Variants in BHLHE41 observed in about 807,000 individuals in gnomAD.
The protein encoded by BHLHE41 is class E basic helix-loop-helix protein 41.
A neutral mutation model predicts 24.0 loss-of-function variants in BHLHE41; 14 were observed. The observed-to-expected ratio is 0.58, with a 90% CI of 0.39 to 0.91. BHLHE41 has a LOEUF of 0.91. Among genes scored for constraint, BHLHE41 ranks in the 40% least tolerant of loss-of-function variants. The pLI is 0.00. For missense variants in BHLHE41, 674 were observed against 655.4 expected (o/e 1.03, Z -0.31); for synonymous variants, 394 against 315.5 (o/e 1.25, Z -2.64).
In BHLHE41 at chr12:26,122,499, TG is replaced by T; in HGVS notation, c.1015del (p.Gln339SerfsTer164). On this transcript the variant is annotated frameshift_variant, in exon 5 of 5. Transcript: ENST00000242728. LOFTEE classifies it high-confidence loss of function. ...GAAGGGGGCCGCGGCGGCCGCGGGC[TG>T]CGGGAAGGGCGCGCCTCCGCCTCCG... ...FGGGGGAPFPQPAAAAAPFCL... is the reference protein window; with the variant it reads ...FGGGGGAPFPXPAAAAAPFCL... 1 of 1,312,652 alleles carries T rather than the reference TG, an allele frequency of 7.6e-7. No individual in the cohort carries two copies. Among genetic ancestry groups the T allele is most frequent in the Non-Finnish European group, 9.8e-7 (1 of 1,020,894 alleles). 81.3% of individuals were successfully genotyped at this position (1,312,652 alleles called of 1,614,324 possible).
chr12:26,122,776 C>T lies in BHLHE41; in HGVS notation c.739G>A (p.Glu247Lys), dbSNP rs768361046. The change falls in exon 5 of 5, where the codon GAG (glutamate) becomes AAG (lysine). Residue 247 changes from glutamate to lysine, a missense_variant. Physicochemically the swap from Glu to Lys is moderately conservative, Grantham distance 56 (BLOSUM62 1). Transcript: ENST00000242728. Reference sequence around the variant, plus strand: ...CCTTTCTCGCGGTCCGGCCGGGCCTCGGCTTCGCCGCCGTAGCCGCTGTCG... The same window carrying T: ...CCTTTCTCGCGGTCCGGCCGGGCCTTGGCTTCGCCGCCGTAGCCGCTGTCG... The part of the protein sequence containing the change: ...DTDSGYGGEA[E>K]ARPDREKGKG... The T allele has an allele frequency of 3.2e-6, 5 of 1,586,668 alleles. No individual in the cohort carries two copies. Among genetic ancestry groups the T allele is most frequent in the Non-Finnish European group, 3.4e-6 (4 of 1,173,118 alleles).
At position 26,121,127 on chromosome 12, in the gene BHLHE41, A is replaced by T. The variant is rs1342703195; in HGVS notation, c.*939T>A. 1 of 152,292 alleles carries T rather than the reference A, an allele frequency of 6.6e-6. No individual in the cohort carries two copies. The highest frequency in any genetic ancestry group is 2.4e-5 in the African/African-American group (1 of 41,458). The allele number at this position is 152,292 out of a possible 1,614,324, so 9.4% of individuals were successfully genotyped here. A position where few individuals can be genotyped will look rare whatever the true frequency, so the allele number is the denominator to read the frequency against. On this transcript the variant is annotated 3_prime_UTR_variant, in exon 5 of 5. Coordinates refer to ENST00000242728, the MANE Select transcript of BHLHE41 (RefSeq NM_030762.3). Reference sequence around the variant, plus strand: ...AGTAAGATTACAAAAATTTAGGAACATGATGGATTAATGAGAGTGGGAATA... The same window carrying T: ...AGTAAGATTACAAAAATTTAGGAACTTGATGGATTAATGAGAGTGGGAATA...
rs1944308471 is a variant in BHLHE41 at position 26,121,886 on chromosome 12, A to C, written c.*180T>G. The C allele has an allele frequency of 2.7e-6, 4 of 1,473,622 alleles. No individual in the cohort carries two copies. 91.3% of individuals were successfully genotyped at this position (1,473,622 alleles called of 1,614,324 possible). ...GGTGGTGCGGGATGAGCAAAACAGG[A>C]ACTCCGAATGTACACATAACACCTG... On this transcript the variant is annotated 3_prime_UTR_variant, in exon 5 of 5. Transcript: ENST00000242728.
At position 26,121,830 on chromosome 12, in the gene BHLHE41, G is replaced by C. The variant is rs1244641451; in HGVS notation, c.*236C>G. ...TAGGATCTTTTACAGCTGGTGGGGG[G>C]AAGAAAGGGATGTTAGTGTGTGGAG... On this transcript the variant is annotated 3_prime_UTR_variant, in exon 5 of 5. Coordinates refer to ENST00000242728, the MANE Select transcript of BHLHE41 (RefSeq NM_030762.3). 4.4e-6 allele frequency: 4 copies of C among 915,670 alleles called. No individual in the cohort carries two copies. Among genetic ancestry groups the C allele is most frequent in the Non-Finnish European group, 6.1e-6 (4 of 656,672 alleles). The allele number at this position is 915,670 out of a possible 1,614,324, so 56.7% of individuals were successfully genotyped here.
In BHLHE41 at chr12:26,124,843, G is replaced by A; in HGVS notation, c.-64C>T. On this transcript the variant is annotated 5_prime_UTR_variant, in exon 1 of 5. Transcript: ENST00000242728. ...GGCTCTGTACAATAATCTGTGGGAC[G>A]GTAGGCTTGGGAGACCTTGGGGGGA... is the stretch of plus-strand genomic sequence containing the variant. 1.3e-6 allele frequency: 2 copies of A among 1,526,506 alleles called. No homozygotes were observed. The highest frequency in any genetic ancestry group is 3.3e-5 in the Admixed American group (2 of 59,922). The allele number at this position is 1,526,506 out of a possible 1,614,324, so 94.6% of individuals were successfully genotyped here. A position where few individuals can be genotyped will look rare whatever the true frequency, so the allele number is the denominator to read the frequency against.
chr12:26,123,848 A>T, intron 3 of BHLHE41, 107 bp from the exon 4 acceptor site: 1 of 841,274 alleles, frequency 1.2e-6, no homozygotes, highest in East Asian at 2.4e-5. Flanking sequence ...CTTTGAAAGA[A>T]GTACTGTTCT....
chr12:26,123,920 A>G (rs915201200), intron 3 of BHLHE41, 152 bp downstream of exon 3: 1 of 740,704 alleles, frequency 1.4e-6, no homozygotes, highest in Non-Finnish European at 2.3e-6. Context: ...AGCTGGGAGC[A>G]CCTACTCCAG....
chr12:26,122,314 C>G lies in BHLHE41; in HGVS notation c.1201G>C (p.Ala401Pro). 8.6e-7 allele frequency: 1 copy of G among 1,165,248 alleles called. No individual in the cohort carries two copies. Among genetic ancestry groups the G allele is most frequent in the Non-Finnish European group, 1.1e-6 (1 of 947,646 alleles). The allele number at this position is 1,165,248 out of a possible 1,614,324, so 72.2% of individuals were successfully genotyped here. ...GIPAPAAAAAAAAAAAAAAAA... is the reference protein window; with the variant it reads ...GIPAPAAAAAPAAAAAAAAAA... ...GCGGCGGCGGCAGCGGCGGCGGCGG[C>G]TGCCGCGGCTGCCGCCGGGGCGGGG... Residue 401 changes from alanine (A) to proline (P), a missense_variant, in exon 5 of 5, where the codon GCC becomes CCC. Ala to Pro is a conservative substitution (Grantham distance 27, BLOSUM62 -1). Transcript: ENST00000242728.
At position 26,121,767 on chromosome 12, in the gene BHLHE41, A is replaced by C; in HGVS notation, c.*299T>G. 2 of 478,258 alleles carry C rather than the reference A, an allele frequency of 4.2e-6. No homozygotes were observed. Among genetic ancestry groups the C allele is most frequent in the East Asian group, 5.9e-5 (1 of 16,876 alleles). The allele number at this position is 478,258 out of a possible 1,614,324, so 29.6% of individuals were successfully genotyped here. On this transcript the variant is annotated 3_prime_UTR_variant, in exon 5 of 5. Transcript: ENST00000242728. Reference sequence around the variant, plus strand: ...CATGGCCTAAAAGGGGGCAAAATTTATTTGGGGGATTAAAAAAAAGAGCCA... The same window carrying C: ...CATGGCCTAAAAGGGGGCAAAATTTCTTTGGGGGATTAAAAAAAAGAGCCA...
rs1438123652 is a variant in BHLHE41, at chr12:26,122,914, C to A, written c.601G>T (p.Ala201Ser). The change falls in exon 5 of 5, where the codon GCC becomes TCC. Residue 201 changes from alanine to serine, a missense_variant. Around this residue, in one of 3 missense-constraint regions of BHLHE41, gnomAD observed 602 missense variants for 570.8 expected, o/e 1.05. Transcript: ENST00000242728. ...TGCCCCGCGCGCTCCAGGCAGGGGGCGGCCGCGGACCCGGCGGCCGAGGGA... is the reference window on the plus strand; with the variant it reads ...TGCCCCGCGCGCTCCAGGCAGGGGGAGGCCGCGGACCCGGCGGCCGAGGGA... ...GAPSAAGSAA[A>S]PCLERAGQKL... The A allele has an allele frequency of 6.5e-7, 1 of 1,548,458 alleles. No homozygotes were observed. Among genetic ancestry groups the A allele is most frequent in the African/African-American group, 1.4e-5 (1 of 72,944 alleles).
intron 3 of BHLHE41, 33 bp downstream of exon 3, chr12:26,124,039 G>T: frequency 7.2e-7 from 1 of 1,392,000 alleles, no homozygotes; most frequent in Non-Finnish European, 1.0e-6. Context: ...CACGCCCTTG[G>T]AGAGCAGCAA....
In BHLHE41 at chr12:26,122,978, C is replaced by A; in HGVS notation, c.537G>T (p.Leu179=). 6.4e-7 allele frequency: 1 copy of A among 1,564,902 alleles called. No individual in the cohort carries two copies. The highest frequency in any genetic ancestry group is 2.4e-5 in the East Asian group (1 of 41,852). The part of the protein sequence containing the change: ...VATQFLPTPQ[L]LTQQVPLSKG... ...TGCTCAGAGGGACCTGTTGAGTCAACAGCTGCGGGGTGGGCAAGAACTGGG... is the reference window on the plus strand; with the variant it reads ...TGCTCAGAGGGACCTGTTGAGTCAAAAGCTGCGGGGTGGGCAAGAACTGGG... Residue 179 remains leucine (L), a synonymous_variant, in exon 5 of 5, where the codon CTG becomes CTT. Coordinates refer to ENST00000242728, the MANE Select transcript of BHLHE41 (RefSeq NM_030762.3).
rs1403895341 is a variant in BHLHE41 at position 26,122,179 on chromosome 12, GGTGCGGCGCCCCAAGGGGCGCCACCTC to G, written c.1309_1335del (p.Glu437_His445del). 19 of 1,494,848 alleles carry G rather than the reference GGTGCGGCGCCCCAAGGGGCGCCACCTC, an allele frequency of 1.3e-5. No homozygotes were observed. Among genetic ancestry groups the G allele is most frequent in the Middle Eastern group, 2.0e-4 (1 of 4,942 alleles). 92.6% of individuals were successfully genotyped at this position (1,494,848 alleles called of 1,614,324 possible). Reference sequence around the variant, plus strand: ...TGGGTGCGGCCGTGCGGGTGCTGGGGGTGCGGCGCCCCAAGGGGCGCCACCTCGTGCGGCAGGAGGGTCGCGGCGGCG... The same window carrying G: ...TGGGTGCGGCCGTGCGGGTGCTGGGGGTGCGGCAGGAGGGTCGCGGCGGCG... On this transcript the variant is annotated inframe_deletion, in exon 5 of 5. Transcript: ENST00000242728.
Position 26,121,895 on chromosome 12 carries a change from T to A in BHLHE41, c.*171A>T. ...GGATGAGCAAAACAGGAACTCCGAA[T>A]GTACACATAACACCTGTTTTGTTGT... is the stretch of plus-strand genomic sequence containing the variant. On this transcript the variant is annotated 3_prime_UTR_variant, in exon 5 of 5. Transcript: ENST00000242728. The A allele has an allele frequency of 3.3e-6, 5 of 1,498,992 alleles. No homozygotes were observed. The highest frequency in any genetic ancestry group is 4.5e-6 in the Non-Finnish European group (5 of 1,121,350). 92.9% of individuals were successfully genotyped at this position (1,498,992 alleles called of 1,614,324 possible).
In BHLHE41 at chr12:26,123,071, C is replaced by G; in HGVS notation, c.444G>C (p.Arg148=). The part of the protein sequence containing the change: ...CAKEVLQYLS[R]FESWTPREPR... ...GCTCCCTGGGTGTCCAGCTCTCAAA[C>G]CGGGAGAGGTATTGCAAGACTTCTT... The change falls in exon 5 of 5, where the codon CGG becomes CGC. Residue 148 remains arginine (R), a synonymous_variant. Transcript: ENST00000242728. The G allele has an allele frequency of 6.3e-7, 1 of 1,594,502 alleles. No homozygotes were observed. The highest frequency in any genetic ancestry group is 8.5e-7 in the Non-Finnish European group (1 of 1,170,040).
intron 4 of BHLHE41, 125 bp from the exon 5 acceptor site, chr12:26,123,293 A>C (rs556477377): frequency 7.8e-7 from 1 of 1,288,174 alleles, no homozygotes; most frequent in Non-Finnish European, 1.0e-6. Context: ...GTTTTTCCCC[A>C]GTATTCAAGT....
Position 26,124,149 on chromosome 12 carries a change from C to T in BHLHE41, c.157G>A (p.Glu53Lys). Residue 53 changes from glutamate to lysine, a missense_variant, in exon 3 of 5, where the codon GAA becomes AAA. Physicochemically the swap from Glu to Lys is moderately conservative, Grantham distance 56. Transcript: ENST00000242728. ...TTAATTCGGTCTCTTCTTTTCTTTT[C>T]TATTAATCTGTGCGGTAATTTGTAG... ...DTYKLPHRLI[E>K]KKRRDRINEC... 1 of 1,611,630 alleles carries T rather than the reference C, an allele frequency of 6.2e-7. No individual in the cohort carries two copies. The highest frequency in any genetic ancestry group is 8.5e-7 in the Non-Finnish European group (1 of 1,178,034).
In BHLHE41 at chr12:26,123,048, T is replaced by C. The variant is rs138601663; in HGVS notation, c.467A>G (p.Glu156Gly). Residue 156 changes from glutamate to glycine, a missense_variant, in exon 5 of 5, where the codon GAG becomes GGG. Coordinates refer to ENST00000242728, the MANE Select transcript of BHLHE41 (RefSeq NM_030762.3). ...LSRFESWTPR[E>G]PRCVQLINHL... Reference sequence around the variant, plus strand: ...GTTGATCAGCTGGACACACCGCGGCTCCCTGGGTGTCCAGCTCTCAAACCG... The same window carrying C: ...GTTGATCAGCTGGACACACCGCGGCCCCCTGGGTGTCCAGCTCTCAAACCG... The C allele has an allele frequency of 5.7e-6, 9 of 1,579,902 alleles. No individual in the cohort carries two copies. Among genetic ancestry groups the C allele is most frequent in the Non-Finnish European group, 7.7e-6 (9 of 1,162,274 alleles).
Position 26,120,635 on chromosome 12 carries a change from T to A in BHLHE41, c.*1431A>T, listed in dbSNP as rs1406114453. The stretch of plus-strand genomic sequence containing the variant: ...AACTATGTACATAAGAGCCACCTTG[T>A]AGGCTAAGAGTTTAACGTTGTTTAA... On this transcript the variant is annotated 3_prime_UTR_variant, in exon 5 of 5. Transcript: ENST00000242728. The A allele has an allele frequency of 6.5e-6, 1 of 152,684 alleles. No individual in the cohort carries two copies. The highest frequency in any genetic ancestry group is 1.5e-5 in the Non-Finnish European group (1 of 68,046). The allele number at this position is 152,684 out of a possible 1,614,324, so 9.5% of individuals were successfully genotyped here.
Sources: gnomAD v4.1 joint callset for allele counts on GRCh38, gnomAD v4.1.1 for gene constraint, gnomAD v4.1.1 regional missense constraint, MANE v1.5 for transcripts, NCBI Gene and HGNC (gene_info 2026-07-23, HGNC 2026-07-21) for gene names.